The following CSF2RB variants were observed in gnomAD, a reference collection of about 807,000 sequenced individuals.
The protein encoded by CSF2RB is cytokine receptor common subunit beta.
In CSF2RB, 22 loss-of-function variants were observed where a neutral mutation model predicts 67.2. The ratio of observed to expected loss-of-function variants is 0.33; its 90% CI spans 0.23 to 0.47. CSF2RB has a LOEUF of 0.47. Among genes scored for constraint, CSF2RB ranks in the 20% least tolerant of loss-of-function variants. CSF2RB has a pLI of 1.00. For synonymous variants in CSF2RB, 507 were observed against 482.9 expected (o/e 1.05, Z -0.65); for missense variants, 1,113 against 1,174.5 (o/e 0.95, Z 0.76).
At position 36,940,270 on chromosome 22, in the gene CSF2RB, A is replaced by G. The variant is rs959767420; in HGVS notation, c.*1768A>G. Reference sequence around the variant, plus strand: ...AAATGATAAACAACTTGAATGTTCAATGGTCCTGAAATACATAACAACATT... The same window carrying G: ...AAATGATAAACAACTTGAATGTTCAGTGGTCCTGAAATACATAACAACATT... On this transcript the variant is annotated 3_prime_UTR_variant, in exon 14 of 14. Coordinates refer to ENST00000403662, the MANE Select transcript of CSF2RB (RefSeq NM_000395.3). 6.6e-6 allele frequency: 1 copy of G among 152,266 alleles called. No homozygotes were observed. The highest frequency in any genetic ancestry group is 2.1e-4 in the South Asian group (1 of 4,836). 9.4% of individuals were successfully genotyped at this position (152,266 alleles called of 1,614,324 possible).
At chr22:36,924,347 T>C (rs1313882167) in intron 3 of CSF2RB, among the ~76,000 whole-genome samples, 1 of 151,222 alleles carries the variant, frequency 6.6e-6, no homozygotes, top group Non-Finnish European at 1.5e-5. Context: ...CGATGCTGTC[T>C]GGTCCTGTTG....
At chr22:36,927,766 G>A (rs188558082) in intron 4 of CSF2RB, among the ~76,000 whole-genome samples, 2 of 152,336 alleles carry the variant, frequency 1.3e-5, no homozygotes, top group Admixed American at 1.3e-4. Flanking sequence ...GGGTAGATTG[G>A]AGGAGCATTA....
intron 12 of CSF2RB, among the ~76,000 whole-genome samples, chr22:36,936,141 C>T (rs1162732260): frequency 6.6e-6 from 1 of 152,026 alleles, no homozygotes; most frequent in Non-Finnish European, 1.5e-5. Flanking sequence ...AGGGGTGGGA[C>T]AGGAGGCTGG....
At chr22:36,934,854 A>G (rs561388223) in intron 10 of CSF2RB, among the ~76,000 whole-genome samples, 79 of 152,336 alleles carry the variant, frequency 5.2e-4, no homozygotes, top group African/African-American at 1.9e-3. Context: ...AATGGGCCCA[A>G]GAGAGGAGGA....
Position 36,935,961 on chromosome 22 carries a change from AG to A in CSF2RB, c.1464+279del, listed in dbSNP as rs3833916. ...TGCCTGGGACAGGGTGGGCTCACAG[AG>A]GGGGTTCCTGCTACCAGGATGGATG... On this transcript the variant is annotated intron_variant, in intron 12 of 13. Transcript: ENST00000403662. 0.42 allele frequency among the ~76,000 whole-genome samples: 64,524 copies of A among 152,030 alleles called. 15,427 individuals are homozygous for A. Among genetic ancestry groups the A allele is most frequent in the East Asian group, 0.8 (4,095 of 5,150 alleles).
At chr22:36,924,798 A>G (rs778397811) in intron 3 of CSF2RB, among the ~76,000 whole-genome samples, 3 of 152,102 alleles carry the variant, frequency 2.0e-5, no homozygotes, top group African/African-American at 7.2e-5. Context: ...GACTCTGCCC[A>G]CAGCTCACCC....
intron 5 of CSF2RB, 32 bp downstream of exon 5, chr22:36,929,591 G>A (rs745663251): frequency 2.3e-5 from 37 of 1,614,046 alleles, no homozygotes; most frequent in African/African-American, 9.3e-5. Context: ...GCCCCAGCCC[G>A]AAGGGATGGG....
chr22:36,919,158 C>T (rs757334029), intron 1 of CSF2RB, among the ~76,000 whole-genome samples: 2 of 152,180 alleles, frequency 1.3e-5, no homozygotes, highest in Non-Finnish European at 1.5e-5. Context: ...ACCTTGGCTT[C>T]TGTTGCCAGG....
rs559662795 is a variant in CSF2RB at position 36,933,817 on chromosome 22, A to T, written c.1153-15A>T. The stretch of plus-strand genomic sequence containing the variant: ...GGGCACCGGGCCAGGCCTCACCCTC[A>T]GTGCCAACCCACAGGACAGCAAGAC... On this transcript the variant is annotated splice_polypyrimidine_tract_variant and intron_variant, in intron 9 of 13. Transcript: ENST00000403662. The T allele has an allele frequency of 3.3e-5, 53 of 1,602,446 alleles. 1 individual carries two copies. The South Asian group carries it at 5.2e-4, about 16-fold the overall frequency.
Position 36,933,694 on chromosome 22 carries a change from G to A in CSF2RB, c.1153-138G>A, listed in dbSNP as rs1941207698. The A allele has an allele frequency of 5.9e-6, 7 of 1,185,554 alleles. No homozygotes were observed. In the East Asian group the frequency reaches 1.5e-4, roughly 26 times the overall value. 73.4% of individuals were successfully genotyped at this position (1,185,554 alleles called of 1,614,324 possible). On this transcript the variant is annotated intron_variant, in intron 9 of 13. Transcript: ENST00000403662. Reference sequence around the variant, plus strand: ...GGTGGGCCCTCAGGGAGGATCCACGGTGGTGAGAGAGAAGCCGCAGCAGGC... The same window carrying A: ...GGTGGGCCCTCAGGGAGGATCCACGATGGTGAGAGAGAAGCCGCAGCAGGC...
chr22:36,926,227 G>T, intron 4 of CSF2RB, 50 bp downstream of exon 4: 2 of 1,576,624 alleles, frequency 1.3e-6, no homozygotes, highest in Non-Finnish European at 1.7e-6. Context: ...TGTGGACAGC[G>T]GGGGCACCAG....
At chr22:36,930,638 C>T (rs778151079) in intron 7 of CSF2RB, 35 bp from the exon 8 acceptor site, 7 of 1,611,684 alleles carry the variant, frequency 4.3e-6, no homozygotes, top group East Asian at 4.5e-5. Context: ...GTGTGCCCTC[C>T]CTCTCCCTGC....
At chr22:36,933,698 T>C (rs1941207868) in intron 9 of CSF2RB, 134 bp from the exon 10 acceptor site, 10 of 1,229,814 alleles carry the variant, frequency 8.1e-6, no homozygotes, top group Admixed American at 4.0e-5. Context: ...TCCACGGTGG[T>C]GAGAGAGAAG....
At chr22:36,914,722 T>G (rs1376245543) in intron 1 of CSF2RB, among the ~76,000 whole-genome samples, 5 of 151,792 alleles carry the variant, frequency 3.3e-5, no homozygotes, top group Non-Finnish European at 7.4e-5. Flanking sequence ...AATTTTTTTC[T>G]ATCATCTTTC....
intron 2 of CSF2RB, chr22:36,922,870 C>T (rs1459334542): frequency 5.7e-6 from 2 of 350,050 alleles, no homozygotes; most frequent in South Asian, 2.7e-5. Flanking sequence ...AACTCTGCCA[C>T]GCTGCATCCC....
Position 36,937,298 on chromosome 22 carries a change from C to T in CSF2RB, c.1569-79C>T, listed in dbSNP as rs113273519. 4.5e-6 allele frequency: 7 copies of T among 1,554,186 alleles called. No individual in the cohort carries two copies. The highest frequency in any genetic ancestry group is 6.1e-6 in the Non-Finnish European group (7 of 1,138,994). On this transcript the variant is annotated intron_variant, in intron 13 of 13. Transcript: ENST00000403662. The surrounding 1 kb of genome is among the most constrained non-coding windows in gnomAD (Gnocchi z 4.6). The stretch of plus-strand genomic sequence containing the variant: ...CAGGGCTTCCAGAGAACCATCTCCA[C>T]CCCACCAAGACCCTTGTGCCTGACC...
Position 36,938,163 on chromosome 22 carries a change from C to G in CSF2RB, c.2355C>G (p.Val785=), listed in dbSNP as rs747425773. ...RSPRSPRNNP[V]PPEAKSPVLN... The stretch of plus-strand genomic sequence containing the variant: ...CCAGGTCACCAAGGAACAATCCTGT[C>G]CCCCCTGAGGCCAAAAGCCCTGTCC... The change falls in exon 14 of 14, where the codon GTC becomes GTG. Residue 785 remains valine (V), a synonymous_variant. Coordinates refer to ENST00000403662, the MANE Select transcript of CSF2RB (RefSeq NM_000395.3). The G allele has an allele frequency of 6.2e-7, 1 of 1,614,116 alleles. No individual in the cohort carries two copies. Among genetic ancestry groups the G allele is most frequent in the Non-Finnish European group, 8.5e-7 (1 of 1,180,002 alleles).
At chr22:36,935,813 G>A in intron 12 of CSF2RB, 126 bp downstream of exon 12, 1 of 1,034,872 alleles carries the variant, frequency 9.7e-7, no homozygotes, top group Non-Finnish European at 1.5e-6. Context: ...ACTGGGCTTT[G>A]GGAGCTTTGG....
chr22:36,940,184 G>A lies in CSF2RB; in HGVS notation c.*1682G>A, dbSNP rs1021636088. The A allele has an allele frequency of 7.2e-5, 11 of 152,196 alleles. No individual in the cohort carries two copies. Among genetic ancestry groups the A allele is most frequent in the Admixed American group, 5.9e-4 (9 of 15,276 alleles). 9.4% of individuals were successfully genotyped at this position (152,196 alleles called of 1,614,324 possible). A position where few individuals can be genotyped will look rare whatever the true frequency, so the allele number is the denominator to read the frequency against. The stretch of plus-strand genomic sequence containing the variant: ...TATGTTTTCATAAGTGGTTAAGCAA[G>A]TATTCTCGTTACTTTTGCTCTTAAA... On this transcript the variant is annotated 3_prime_UTR_variant, in exon 14 of 14. Transcript: ENST00000403662.
Sources: allele counts gnomAD v4.1 joint callset (sites outside exome capture counted in the v4.1 genomes callset), GRCh38; gene constraint gnomAD v4.1.1; non-coding constraint Gnocchi (gnomAD v3.1); transcripts MANE v1.5; gene names NCBI Gene and HGNC (gene_info 2026-07-23, HGNC 2026-07-21).